The following CDH23 variants were observed in gnomAD, a reference collection of about 807,000 sequenced individuals.
The protein encoded by CDH23 is cadherin related 23.
Under a neutral mutation model 317.1 loss-of-function variants are expected in CDH23, and 189 were observed. That is an observed-to-expected ratio of 0.60 (90% CI 0.53 to 0.67). CDH23 has a LOEUF of 0.67. CDH23 is among the 30% of genes least tolerant of loss of function. CDH23 has a pLI of 0.00. For synonymous variants in CDH23, 1,839 were observed against 1,876.8 expected (o/e 0.98, Z 0.52); for missense variants, 4,401 against 4,592.4 (o/e 0.96, Z 1.20).
chr10:71,495,648 C>T (rs1852917662), intron 3 of CDH23, among the ~76,000 whole-genome samples: 1 of 151,316 alleles, frequency 6.6e-6, no homozygotes, highest in Non-Finnish European at 1.5e-5. Flanking sequence ...GCCTGGGCAA[C>T]ACAACAAGAC....
At chr10:71,803,679 C>T (rs1841623805) in intron 55 of CDH23, among the ~76,000 whole-genome samples, 2 of 151,940 alleles carry the variant, frequency 1.3e-5, no homozygotes, top group Admixed American at 6.6e-5. Context: ...AGTAAAAGAT[C>T]TTTGGTTTGG....
intron 9 of CDH23, among the ~76,000 whole-genome samples, chr10:71,613,270 A>G (rs535145635): frequency 6.6e-6 from 1 of 152,316 alleles, no homozygotes; most frequent in South Asian, 2.1e-4. Flanking sequence ...TCATACATTT[A>G]TATGCCTCCT....
intron 27 of CDH23, among the ~76,000 whole-genome samples, chr10:71,711,496 AG>A (rs1865969608): frequency 1.3e-5 from 2 of 152,126 alleles, no homozygotes; most frequent in African/African-American, 4.8e-5. Flanking sequence ...TCCTTCCTCC[AG>A]GGAGGACAAC....
At chr10:71,410,458 A>G (rs1589272677) in intron 1 of CDH23, among the ~76,000 whole-genome samples, 1 of 152,190 alleles carries the variant, frequency 6.6e-6, no homozygotes, top group Non-Finnish European at 1.5e-5. Context: ...GGAGGGCAGG[A>G]AGAGAGGCAA....
intron 32 of CDH23, chr10:71,732,733 A>ATCCTTCTGTTTT: frequency 8.6e-7 from 1 of 1,161,004 alleles, no homozygotes; most frequent in African/African-American, 1.6e-5. Flanking sequence ...GCAGGCTGGT[A>ATCCTTCTGTTTT]TCCTTCTGTT....
intron 54 of CDH23, 46 bp downstream of exon 54, chr10:71,803,121 G>A: frequency 1.9e-6 from 3 of 1,600,856 alleles, no homozygotes; most frequent in Non-Finnish European, 2.6e-6. Context: ...GGGGGTGGGA[G>A]GGGGAGGCCT....
intron 38 of CDH23, among the ~76,000 whole-genome samples, chr10:71,775,148 A>T (rs1016375784): frequency 7.2e-5 from 11 of 152,072 alleles, no homozygotes; most frequent in Non-Finnish European, 1.5e-4. Flanking sequence ...GCATAGCATG[A>T]GCTCCCTTCC....
intron 36 of CDH23, among the ~76,000 whole-genome samples, chr10:71,740,424 T>C (rs971429335): frequency 4.6e-5 from 7 of 152,048 alleles, no homozygotes; most frequent in Non-Finnish European, 8.8e-5. Context: ...TGGGACAGAG[T>C]GCGTGGGACA....
rs200638595 is a variant in CDH23, at chr10:71,814,940, G to A, written c.9739-12G>A. The A allele has an allele frequency of 6.1e-4, 983 of 1,600,488 alleles. No individual in the cohort carries two copies. The highest frequency in any genetic ancestry group is 7.7e-4 in the Non-Finnish European group (905 of 1,171,538). On this transcript the variant is annotated splice_polypyrimidine_tract_variant and intron_variant, in intron 69 of 69. Coordinates refer to ENST00000224721, the MANE Select transcript of CDH23 (RefSeq NM_022124.6). ...ATGGCCCTGAGCATGTGGGGGTCCC[G>A]GCCTCTTGCAGCTGATACAGACTGA...
At chr10:71,798,685 G>T in intron 50 of CDH23, 107 bp downstream of exon 50, 1 of 857,336 alleles carries the variant, frequency 1.2e-6, no homozygotes, top group Non-Finnish European at 1.8e-6. Flanking sequence ...GACTGGGCCA[G>T]ATCCAAGATG....
intron 1 of CDH23, among the ~76,000 whole-genome samples, chr10:71,425,894 A>T (rs1458138973): frequency 6.6e-6 from 1 of 152,212 alleles, no homozygotes; most frequent in African/African-American, 2.4e-5. Flanking sequence ...AGGACACAGG[A>T]TGGAAGCTGC....
chr10:71,658,005 C>G lies in CDH23; in HGVS notation c.1449+11388C>G, dbSNP rs1863489442. 2.0e-5 allele frequency among the ~76,000 whole-genome samples: 3 copies of G among 152,206 alleles called. No homozygotes were observed. In the South Asian group the frequency reaches 6.2e-4, roughly 31 times the overall value. ...GGCCTGGAAGGCCTCTGTGGACACACTCGCTCCCATTTGGGGGTGTCTACG... is the reference window on the plus strand; with the variant it reads ...GGCCTGGAAGGCCTCTGTGGACACAGTCGCTCCCATTTGGGGGTGTCTACG... On this transcript the variant is annotated intron_variant, in intron 14 of 69. Transcript: ENST00000224721.
chr10:71,660,942 G>A (rs1030425906), intron 14 of CDH23, among the ~76,000 whole-genome samples: 2 of 152,170 alleles, frequency 1.3e-5, no homozygotes, highest in Non-Finnish European at 1.5e-5. Flanking sequence ...GCCAAGCTGC[G>A]CTCCTGTCAC....
At chr10:71,638,145 A>T (rs377135884) in intron 11 of CDH23, among the ~76,000 whole-genome samples, 227 of 152,188 alleles carry the variant, frequency 1.5e-3, no homozygotes, top group African/African-American at 5.2e-3. Flanking sequence ...AGATGTGCTT[A>T]CCCTCCCCAC....
chr10:71,566,829 C>T lies in CDH23; in HGVS notation c.517C>T (p.Pro173Ser), dbSNP rs1417364805. The change falls in exon 7 of 70, where the codon CCC becomes TCC. Residue 173 changes from proline (P) to serine (S), a missense_variant. By Grantham distance (74) the Pro-to-Ser change is moderately conservative (BLOSUM62 -1). Coordinates refer to ENST00000224721, the MANE Select transcript of CDH23 (RefSeq NM_022124.6). The stretch of plus-strand genomic sequence containing the variant: ...GGGCAGCGTCCTCTACTCCTTCCAG[C>T]CCCCCTCCCAATTCTTCGCCATTGA... The part of the protein sequence containing the change: ...AGGSVLYSFQ[P>S]PSQFFAIDSA... 1 of 1,613,946 alleles carries T rather than the reference C, an allele frequency of 6.2e-7. No homozygotes were observed. Among genetic ancestry groups the T allele is most frequent in the African/African-American group, 1.3e-5 (1 of 75,042 alleles).
chr10:71,776,190 G>A (rs985495982), intron 38 of CDH23, among the ~76,000 whole-genome samples: 21 of 152,270 alleles, frequency 1.4e-4, no homozygotes, highest in Admixed American at 5.2e-4. Flanking sequence ...TTTGGAAACC[G>A]TTTCAGCAAA....
chr10:71,663,429 G>T (rs1863760004), intron 14 of CDH23, among the ~76,000 whole-genome samples: 1 of 152,162 alleles, frequency 6.6e-6, no homozygotes, highest in Non-Finnish European at 1.5e-5. Flanking sequence ...TCTTCTTCCA[G>T]CTGCAGCTCT....
intron 9 of CDH23, among the ~76,000 whole-genome samples, chr10:71,590,172 C>T (rs1260761823): frequency 6.6e-6 from 1 of 152,256 alleles, no homozygotes; most frequent in Admixed American, 6.5e-5. Flanking sequence ...CCGTCAAATG[C>T]TCTGAGTCAA....
intron 14 of CDH23, among the ~76,000 whole-genome samples, chr10:71,672,949 C>A (rs1215488356): frequency 4.6e-5 from 7 of 152,102 alleles, no homozygotes; most frequent in Non-Finnish European, 8.8e-5. Flanking sequence ...TTCCTGCACA[C>A]CCCACTTTCT....
Sources: allele counts gnomAD v4.1 joint callset (sites outside exome capture counted in the v4.1 genomes callset), GRCh38; gene constraint gnomAD v4.1.1; transcripts MANE v1.5; gene names NCBI Gene and HGNC (gene_info 2026-07-23, HGNC 2026-07-21).